ALMS1: variants seen among roughly 807,000 people sequenced by gnomAD.
ALMS1 encodes centrosome-associated protein ALMS1.
In ALMS1, 271 loss-of-function variants were observed where a neutral mutation model predicts 352.2. That is an observed-to-expected ratio of 0.77 (90% CI 0.70 to 0.85). ALMS1 has a LOEUF of 0.85. Among genes scored for constraint, ALMS1 ranks in the 40% least tolerant of loss-of-function variants. The pLI is 0.00. For missense variants in ALMS1, 5,445 were observed against 4,870.7 expected, an observed-to-expected ratio of 1.12 and a Z score of -3.51; for synonymous variants, 1,865 against 1,761.2, an observed-to-expected ratio of 1.06 and a Z score of -1.48.
At position 73,572,596 on chromosome 2, in the gene ALMS1, T is replaced by A. The variant is rs1237744033; in HGVS notation, c.10719T>A (p.His3573Gln). 2.5e-6 allele frequency: 4 copies of A among 1,613,926 alleles called. No homozygotes were observed. Among genetic ancestry groups the A allele is most frequent in the Middle Eastern group, 1.7e-4 (1 of 6,060 alleles). The change falls in exon 16 of 23, where the codon CAT becomes CAA. Residue 3573 changes from histidine (H) to glutamine (Q), a missense_variant. Coordinates refer to ENST00000613296, the MANE Select transcript of ALMS1 (RefSeq NM_001378454.1). ...TKSQVRDYPK[H>Q]NGQISDPQRD... ...GTCAAGTTAGAGATTATCCAAAACA[T>A]AATGGACAAATTAGTGATCCACAAA...
intron 16 of ALMS1, among the ~76,000 whole-genome samples, chr2:73,577,413 CTG>C (rs1309235399): frequency 2.0e-5 from 3 of 150,490 alleles, no homozygotes; most frequent in African/African-American, 4.9e-5. Flanking sequence ...TTTTTAAAGT[CTG>C]TTTCATTTAT....
chr2:73,576,624 CT>C (rs60798625), intron 16 of ALMS1, among the ~76,000 whole-genome samples: 51,238 of 142,324 alleles, frequency 0.36, 11,822 homozygotes, highest in African/African-American at 0.67. Context: ...TTTTCTTTTT[CT>C]TTTTTTTTTT....
intron 10 of ALMS1, among the ~76,000 whole-genome samples, chr2:73,518,438 T>C (rs988369341): frequency 2.3e-4 from 35 of 152,320 alleles, no homozygotes; most frequent in African/African-American, 8.4e-4. Context: ...TGTGTGCACG[T>C]GTCTTTATGG....
At chr2:73,460,966 A>G (rs1340690864) in intron 9 of ALMS1, among the ~76,000 whole-genome samples, 19 of 152,214 alleles carry the variant, frequency 1.2e-4, no homozygotes, top group South Asian at 2.1e-4. Flanking sequence ...GGAGCCCACT[A>G]CAGCTCAAGG....
At chr2:73,538,763 A>G (rs1031353679) in intron 12 of ALMS1, among the ~76,000 whole-genome samples, 1 of 152,188 alleles carries the variant, frequency 6.6e-6, no homozygotes, top group Non-Finnish European at 1.5e-5. Context: ...GGAGGATCCT[A>G]CGCCCACGGA....
chr2:73,420,111 G>C (rs1480788151), intron 3 of ALMS1, among the ~76,000 whole-genome samples: 2 of 152,184 alleles, frequency 1.3e-5, no homozygotes, highest in Non-Finnish European at 2.9e-5. Flanking sequence ...AGACAAAAGA[G>C]AAGACTTTGC....
chr2:73,475,311 T>G (rs1163841296), intron 9 of ALMS1, among the ~76,000 whole-genome samples: 1 of 152,088 alleles, frequency 6.6e-6, no homozygotes, highest in African/African-American at 2.4e-5. Context: ...TTCTAAACTT[T>G]TTTCTGAAGT....
rs1672761747 is a variant in ALMS1, at chr2:73,483,629, G to A, written c.7675-6005G>A. Among the ~76,000 whole-genome samples, 5 of 151,724 alleles carry A rather than the reference G, an allele frequency of 3.3e-5. No homozygotes were observed. In the South Asian group the frequency reaches 1.0e-3, roughly 32 times the overall value. On this transcript the variant is annotated intron_variant, in intron 9 of 22. Transcript: ENST00000613296. ...CTGAGTTCAGTTCCTGGGTATCCTT[G>A]TTGACTTTCTGTCTCGTTGATCTGT...
chr2:73,514,305 T>C (rs1163959722), intron 10 of ALMS1, among the ~76,000 whole-genome samples: 2 of 152,160 alleles, frequency 1.3e-5, no homozygotes, highest in African/African-American at 2.4e-5. Flanking sequence ...ATTTTCTCTA[T>C]TGGCTTCTTT....
Position 73,453,972 on chromosome 2 carries a change from A to G in ALMS1, c.7445A>G (p.His2482Arg), listed in dbSNP as rs199698329. 19 of 1,613,648 alleles carry G rather than the reference A, an allele frequency of 1.2e-5. No individual in the cohort carries two copies. Among genetic ancestry groups the G allele is most frequent in the Middle Eastern group, 1.6e-4 (1 of 6,084 alleles). Residue 2482 changes from histidine to arginine, a missense_variant, in exon 8 of 23, where the codon CAT (histidine) becomes CGT (arginine). By Grantham distance (29) the His-to-Arg change is conservative. Coordinates refer to ENST00000613296, the MANE Select transcript of ALMS1 (RefSeq NM_001378454.1). The stretch of plus-strand genomic sequence containing the variant: ...AGCAGTGTAGATTCACTGGCTGCAC[A>G]TGTGAAAAACCTTCTGCAATGTGAA... Reference protein sequence around the residue: ...GGSSVDSLAAHVKNLLQCESS... With the variant: ...GGSSVDSLAARVKNLLQCESS...
At chr2:73,478,925 T>C (rs1205474236) in intron 9 of ALMS1, among the ~76,000 whole-genome samples, 1 of 151,986 alleles carries the variant, frequency 6.6e-6, no homozygotes, top group African/African-American at 2.4e-5. Context: ...CATTTATGAG[T>C]GAGAACACGT....
At chr2:73,399,936 G>GTTTTTTTTTTTTTTT (rs1382540969) in intron 1 of ALMS1, among the ~76,000 whole-genome samples, 1 of 119,144 alleles carries the variant, frequency 8.4e-6, no homozygotes, top group African/African-American at 3.2e-5. Flanking sequence ...TATATTAATT[G>GTTTTTTTTTTTTTTT]TTTTTTTTTT....
At chr2:73,510,114 C>G (rs1032595730) in intron 10 of ALMS1, among the ~76,000 whole-genome samples, 5 of 152,188 alleles carry the variant, frequency 3.3e-5, no homozygotes, top group African/African-American at 1.2e-4. Context: ...GTTAGCAATT[C>G]CTCTAACCTT....
intron 21 of ALMS1, among the ~76,000 whole-genome samples, chr2:73,607,327 T>C: frequency 6.6e-6 from 1 of 152,240 alleles, no homozygotes; most frequent in Non-Finnish European, 1.5e-5. Flanking sequence ...CTTCATAATC[T>C]ATTTAACTGT....
chr2:73,509,159 G>A lies in ALMS1; in HGVS notation c.9540-10616G>A, dbSNP rs566142372. Among the ~76,000 whole-genome samples the A allele has an allele frequency of 8.6e-5, 13 of 151,998 alleles. No individual in the cohort carries two copies. The East Asian group carries it at 9.7e-4, about 11-fold the overall frequency. On this transcript the variant is annotated intron_variant, in intron 10 of 22. Transcript: ENST00000613296. ...ATGTGTGTCTTTGCACATGAGATGC[G>A]TCTCCTGAATACAGCACACCAATGG...
intron 15 of ALMS1, among the ~76,000 whole-genome samples, chr2:73,569,047 C>G (rs1674866283): frequency 9.3e-6 from 1 of 107,480 alleles, no homozygotes; most frequent in African/African-American, 3.6e-5. Flanking sequence ...TGAAGTCTCG[C>G]TCTGTCGCCC....
chr2:73,523,502 C>G (rs1295293880), intron 11 of ALMS1, among the ~76,000 whole-genome samples: 1 of 152,144 alleles, frequency 6.6e-6, no homozygotes, highest in African/African-American at 2.4e-5. Flanking sequence ...CGTGGTGGCT[C>G]ACACCTATAA....
At chr2:73,460,709 C>T (rs1389505340) in intron 9 of ALMS1, among the ~76,000 whole-genome samples, 7 of 152,214 alleles carry the variant, frequency 4.6e-5, no homozygotes, top group Admixed American at 2.0e-4. Flanking sequence ...GGGTGACAGA[C>T]GGCACCTGGA....
rs746162373 is a variant in ALMS1, at chr2:73,449,846, T to C, written c.3319T>C (p.Tyr1107His). The change falls in exon 8 of 23, where the codon TAC becomes CAC. Residue 1107 changes from tyrosine to histidine, a missense_variant. Transcript: ENST00000613296. ...YSQREKPGIF[Y>H]QQTLPESHLP... The stretch of plus-strand genomic sequence containing the variant: ...ACAAAGAGAGAAGCCTGGTATTTTC[T>C]ACCAACAGACCTTGCCAGAGAGTCA... The C allele has an allele frequency of 9.3e-6, 15 of 1,613,966 alleles. No homozygotes were observed. The highest frequency in any genetic ancestry group is 1.3e-5 in the African/African-American group (1 of 74,900).
Sources: allele counts gnomAD v4.1 joint callset (sites outside exome capture counted in the v4.1 genomes callset), GRCh38; gene constraint gnomAD v4.1.1; transcripts MANE v1.5; gene names NCBI Gene and HGNC (gene_info 2026-07-23, HGNC 2026-07-21).